CUBN: variants seen among roughly 807,000 people sequenced by gnomAD.
CUBN encodes the protein cubilin, also known as 460 kDa receptor.
Under a neutral mutation model 405.3 loss-of-function variants are expected in CUBN, and 282 were observed. The ratio of observed to expected loss-of-function variants is 0.70; its 90% CI spans 0.63 to 0.77. CUBN has a LOEUF of 0.77. CUBN is among the 30% of genes least tolerant of loss of function. The pLI is 0.00. For synonymous variants in CUBN, 1,684 were observed against 1,617.0 expected (o/e 1.04, Z -0.99); for missense variants, 4,514 against 4,475.2 (o/e 1.01, Z -0.25).
intron 59 of CUBN, among the ~76,000 whole-genome samples, chr10:16,866,312 C>G (rs537753462): frequency 1.3e-5 from 2 of 152,310 alleles, no homozygotes; most frequent in South Asian, 4.1e-4. Flanking sequence ...CCAAGCAACT[C>G]TCTGGTATGA....
intron 41 of CUBN, 56 bp from the exon 42 acceptor site, chr10:16,925,830 T>A: frequency 6.6e-7 from 1 of 1,521,388 alleles, no homozygotes; most frequent in Non-Finnish European, 9.1e-7. Context: ...ACTGGATTTT[T>A]ATGCTTTCTT....
At chr10:16,998,390 A>G (rs1318671730) in intron 28 of CUBN, among the ~76,000 whole-genome samples, 1 of 152,202 alleles carries the variant, frequency 6.6e-6, no homozygotes, top group Non-Finnish European at 1.5e-5. Flanking sequence ...TGCATCTACA[A>G]GGCTTAGAAA....
intron 66 of CUBN, among the ~76,000 whole-genome samples, chr10:16,827,397 CA>C (rs1838814863): frequency 6.6e-6 from 1 of 152,104 alleles, no homozygotes; most frequent in South Asian, 2.1e-4. Flanking sequence ...TGAGAATGCC[CA>C]GGGTTTTAGA....
chr10:17,023,737 G>T, intron 27 of CUBN: 2 of 387,274 alleles, frequency 5.2e-6, no homozygotes, highest in Non-Finnish European at 1.1e-5. Context: ...GTTACAGAAA[G>T]GAAACTAGTA....
chr10:16,937,861 CTTATA>C, intron 38 of CUBN, 77 bp from the exon 39 acceptor site: 1 of 1,327,402 alleles, frequency 7.5e-7, no homozygotes. Context: ...AAAAAGATGC[CTTATA>C]TTATTACAAT....
intron 28 of CUBN, among the ~76,000 whole-genome samples, chr10:17,004,429 C>T (rs1454169646): frequency 6.6e-6 from 1 of 152,196 alleles, no homozygotes; most frequent in Admixed American, 6.5e-5. Flanking sequence ...ATACTGACAC[C>T]AGCAATTGCT....
chr10:16,874,960 T>A (rs1025310055), intron 57 of CUBN, among the ~76,000 whole-genome samples: 1 of 152,154 alleles, frequency 6.6e-6, no homozygotes, highest in Non-Finnish European at 1.5e-5. Flanking sequence ...GTCTCTCCTG[T>A]CAGGGATAGA....
At chr10:16,884,247 G>T (rs546151779) in intron 56 of CUBN, among the ~76,000 whole-genome samples, 4 of 152,286 alleles carry the variant, frequency 2.6e-5, no homozygotes, top group Admixed American at 6.5e-5. Context: ...CTCCCAAAGT[G>T]GGGGAATTAC....
chr10:17,096,590 A>T (rs1226271770), intron 14 of CUBN, among the ~76,000 whole-genome samples: 1 of 152,096 alleles, frequency 6.6e-6, no homozygotes, highest in East Asian at 1.9e-4. Flanking sequence ...CTAAGTAATA[A>T]AGCAAATATT....
At chr10:16,856,785 C>G (rs11815957) in intron 59 of CUBN, among the ~76,000 whole-genome samples, 18,355 of 152,032 alleles carry the variant, frequency 0.12, 1,920 homozygotes, top group African/African-American at 0.28. Flanking sequence ...GACTTCAGGC[C>G]CTCTCCTGTT....
chr10:16,914,828 C>G (rs921848710), intron 47 of CUBN, among the ~76,000 whole-genome samples: 1 of 152,190 alleles, frequency 6.6e-6, no homozygotes, highest in East Asian at 1.9e-4. Context: ...CTCTTATTAT[C>G]TCTCTCGTGA....
At chr10:16,909,334 C>CA (rs1404550070) in intron 48 of CUBN, among the ~76,000 whole-genome samples, 1 of 152,138 alleles carries the variant, frequency 6.6e-6, no homozygotes, top group African/African-American at 2.4e-5. Context: ...GCTTATCATC[C>CA]ACTCAGCCTG....
intron 60 of CUBN, among the ~76,000 whole-genome samples, chr10:16,846,782 A>G (rs1839523140): frequency 6.7e-6 from 1 of 149,674 alleles, no homozygotes; most frequent in Admixed American, 6.8e-5. Context: ...ATTGCACTCG[A>G]GCCTGGGTGA....
chr10:16,863,501 C>G (rs7893395), intron 59 of CUBN, among the ~76,000 whole-genome samples: 1 of 152,004 alleles, frequency 6.6e-6, no homozygotes, highest in African/African-American at 2.4e-5. Context: ...ATTTGTACTT[C>G]TAACAGTAAC....
chr10:17,097,807 T>C (rs1000598082), intron 14 of CUBN, among the ~76,000 whole-genome samples: 15 of 152,202 alleles, frequency 9.9e-5, no homozygotes, highest in Admixed American at 7.9e-4. Flanking sequence ...GTATTTTATA[T>C]GTTTCAACAT....
intron 22 of CUBN, among the ~76,000 whole-genome samples, chr10:17,057,671 T>C (rs1266952014): frequency 2.0e-5 from 3 of 151,956 alleles, no homozygotes; most frequent in Admixed American, 1.3e-4. Context: ...TTTTTTGTAA[T>C]AGCTAAAAAC....
At chr10:17,107,847 C>T (rs56308740) in intron 10 of CUBN, among the ~76,000 whole-genome samples, 11,308 of 152,170 alleles carry the variant, frequency 0.074, 565 homozygotes, top group Non-Finnish European at 0.12. Flanking sequence ...CAAGATTCCA[C>T]TTCAATATTA....
At chr10:17,038,314 T>A (rs929974773) in intron 27 of CUBN, among the ~76,000 whole-genome samples, 5 of 152,238 alleles carry the variant, frequency 3.3e-5, no homozygotes, top group Non-Finnish European at 5.9e-5. Context: ...AATCAAGTTG[T>A]AAAATACAGC....
In CUBN at chr10:16,979,540, C is replaced by T. The variant is rs192885380; in HGVS notation, c.4695+2944G>A. ...GAAAGGCCTCAGAAATAACGCCACACATCTACAACCATCTGATCTTTAACA... is the reference window on the plus strand; with the variant it reads ...GAAAGGCCTCAGAAATAACGCCACATATCTACAACCATCTGATCTTTAACA... On this transcript the variant is annotated intron_variant, in intron 31 of 66. Coordinates refer to ENST00000377833, the MANE Select transcript of CUBN (RefSeq NM_001081.4). Among the ~76,000 whole-genome samples the T allele has an allele frequency of 3.8e-4, 58 of 152,254 alleles. No homozygotes were observed. The East Asian group carries it at 6.6e-3, about 17-fold the overall frequency.
Sources: gnomAD v4.1 joint callset for allele counts (sites outside exome capture counted in the v4.1 genomes callset) on GRCh38, gnomAD v4.1.1 for gene constraint, MANE v1.5 for transcripts, NCBI Gene and HGNC (gene_info 2026-07-23, HGNC 2026-07-21) for gene names.